The following DCDC1 variants were observed in gnomAD, a reference collection of about 807,000 sequenced individuals.
DCDC1 encodes doublecortin domain containing 1, also known as doublecortin domain-containing protein 1.
Under a neutral mutation model 178.3 loss-of-function variants are expected in DCDC1, and 200 were observed. The observed-to-expected ratio is 1.12, with a 90% CI of 1.00 to 1.26. The LOEUF is 1.26. Ranked by LOEUF, DCDC1 falls within the 50% of genes most tolerant of loss-of-function variation. DCDC1 has a pLI of 0.00. For missense variants in DCDC1, 1,983 were observed against 1,749.2 expected (o/e 1.13, Z -2.38); for synonymous variants, 690 against 604.8 (o/e 1.14, Z -2.07).
At chr11:30,920,446 GGAA>G (rs1252622874) in intron 25 of DCDC1, among the ~76,000 whole-genome samples, 17 of 152,162 alleles carry the variant, frequency 1.1e-4, no homozygotes, top group African/African-American at 4.1e-4. Flanking sequence ...TTGAACTTAG[GGAA>G]GAAGTTTAAT....
chr11:31,275,666 G>A (rs745531755), intron 7 of DCDC1, among the ~76,000 whole-genome samples: 2 of 151,988 alleles, frequency 1.3e-5, no homozygotes, highest in South Asian at 4.2e-4. Context: ...CACTACGCCT[G>A]GCTAATTTTG....
chr11:31,014,570 C>T (rs1442312229), intron 20 of DCDC1, among the ~76,000 whole-genome samples: 3 of 152,166 alleles, frequency 2.0e-5, no homozygotes, highest in African/African-American at 7.2e-5. Flanking sequence ...TATTTTAAGT[C>T]ACTAAGTTTG....
chr11:31,064,279 C>T (rs1956127352), intron 20 of DCDC1, among the ~76,000 whole-genome samples, 190 bp downstream of exon 20: 1 of 152,140 alleles, frequency 6.6e-6, no homozygotes, highest in South Asian at 2.1e-4. Context: ...CAATAACATA[C>T]ATCAATCTTC....
chr11:30,996,928 A>C (rs1283683932), intron 20 of DCDC1, among the ~76,000 whole-genome samples: 2 of 152,196 alleles, frequency 1.3e-5, no homozygotes. Context: ...CAAATATTGA[A>C]AACAACTAAG....
intron 9 of DCDC1, among the ~76,000 whole-genome samples, chr11:31,191,849 A>G (rs1023846592): frequency 6.6e-6 from 1 of 152,002 alleles, no homozygotes; most frequent in Non-Finnish European, 1.5e-5. Flanking sequence ...TCCTTTATCT[A>G]TCATGCCTCT....
intron 21 of DCDC1, among the ~76,000 whole-genome samples, chr11:30,947,201 G>A (rs1336621724): frequency 6.6e-6 from 1 of 152,094 alleles, no homozygotes; most frequent in African/African-American, 2.4e-5. Context: ...AAGATACAAA[G>A]AGATGAAAAA....
intron 21 of DCDC1, among the ~76,000 whole-genome samples, chr11:30,933,111 T>A (rs1422978323): frequency 6.7e-6 from 1 of 150,372 alleles, no homozygotes; most frequent in East Asian, 2.0e-4. Flanking sequence ...TTGTTTCTCT[T>A]CAGTTTGTCA....
chr11:31,218,368 T>C (rs1445518377), intron 9 of DCDC1, among the ~76,000 whole-genome samples: 2 of 152,136 alleles, frequency 1.3e-5, no homozygotes, highest in East Asian at 3.8e-4. Flanking sequence ...AGGGAAAAAA[T>C]TAAAGCAATC....
chr11:30,925,161 T>C, intron 23 of DCDC1, 148 bp downstream of exon 23: 1 of 678,450 alleles, frequency 1.5e-6, no homozygotes, highest in Non-Finnish European at 2.5e-6. Flanking sequence ...CTGTTAGTAT[T>C]ACTTTCTGAT....
chr11:31,338,689 A>G lies in DCDC1; in HGVS notation c.-124-3125T>C, dbSNP rs1380086791. Among the ~76,000 whole-genome samples, 3 of 152,152 alleles carry G rather than the reference A, an allele frequency of 2.0e-5. No homozygotes were observed. In the East Asian group the frequency reaches 5.8e-4, roughly 29 times the overall value. ...GGGAACTGTCACCAAAGAAGGGGGTATGGGGCATAATTTTCAGCCTTCTTT... is the reference window on the plus strand; with the variant it reads ...GGGAACTGTCACCAAAGAAGGGGGTGTGGGGCATAATTTTCAGCCTTCTTT... On this transcript the variant is annotated intron_variant, in intron 1 of 38. Transcript: ENST00000684477.
chr11:30,996,102 G>A (rs917470649), intron 20 of DCDC1, among the ~76,000 whole-genome samples: 2 of 152,118 alleles, frequency 1.3e-5, no homozygotes, highest in Non-Finnish European at 2.9e-5. Flanking sequence ...AAGGGCAAAT[G>A]ATCTGAACAG....
intron 20 of DCDC1, among the ~76,000 whole-genome samples, chr11:31,060,781 C>A (rs1398559646): frequency 6.6e-6 from 1 of 151,934 alleles, no homozygotes; most frequent in Non-Finnish European, 1.5e-5. Context: ...CTTCAAATCA[C>A]CCGCCCATTT....
intron 20 of DCDC1, among the ~76,000 whole-genome samples, chr11:30,992,148 C>T (rs972843440): frequency 6.6e-6 from 1 of 152,144 alleles, no homozygotes; most frequent in South Asian, 2.1e-4. Context: ...CCCATAAGGT[C>T]TCATTTGAGT....
At chr11:30,931,203 G>A (rs186162177) in intron 22 of DCDC1, among the ~76,000 whole-genome samples, 44 of 151,972 alleles carry the variant, frequency 2.9e-4, no homozygotes, top group African/African-American at 9.4e-4. Context: ...CTCCAATGTT[G>A]GAGAAAATAT....
intron 10 of DCDC1, among the ~76,000 whole-genome samples, chr11:31,130,444 C>A (rs914440058): frequency 6.6e-6 from 1 of 152,116 alleles, no homozygotes; most frequent in African/African-American, 2.4e-5. Context: ...TCCGCCTGCC[C>A]ACCCCACCCC....
Position 31,092,499 on chromosome 11 carries a change from G to A in DCDC1, c.2119-988C>T, listed in dbSNP as rs75899601. Among the ~76,000 whole-genome samples, 11 of 152,280 alleles carry A rather than the reference G, an allele frequency of 7.2e-5. No individual in the cohort carries two copies. The East Asian group carries it at 2.1e-3, about 29-fold the overall frequency. On this transcript the variant is annotated intron_variant, in intron 16 of 38. Coordinates refer to ENST00000684477, the MANE Select transcript of DCDC1 (RefSeq NM_001387274.1). ...CTCATTTCATCTTCACAGCAACTGT[G>A]CAAAGCAGATAAGACTAACATCATT...
At chr11:31,210,292 T>C (rs573338683) in intron 9 of DCDC1, among the ~76,000 whole-genome samples, 220 of 152,330 alleles carry the variant, frequency 1.4e-3, no homozygotes, top group African/African-American at 4.8e-3. Flanking sequence ...TGACTATCAA[T>C]TGTTCCCAGT....
At chr11:31,221,587 C>G (rs939220054) in intron 9 of DCDC1, among the ~76,000 whole-genome samples, 1 of 152,126 alleles carries the variant, frequency 6.6e-6, no homozygotes, top group African/African-American at 2.4e-5. Flanking sequence ...TATCTGACAG[C>G]CTTCCTTCAT....
rs111565378 is a variant in DCDC1, at chr11:31,366,603, G to C, written c.-125+3094C>G. ...GAAGAAAAGAATTAGGGTGTTATAA[G>C]TAAGGAGAAGCATTTGAACACAATT... On this transcript the variant is annotated intron_variant, in intron 1 of 38. Coordinates refer to ENST00000684477, the MANE Select transcript of DCDC1 (RefSeq NM_001387274.1). Among the ~76,000 whole-genome samples, 336 of 152,304 alleles carry C rather than the reference G, an allele frequency of 2.2e-3. 3 individuals carry two copies. Among genetic ancestry groups the C allele is most frequent in the African/African-American group, 7.6e-3 (317 of 41,564 alleles).
Sources: gnomAD v4.1 joint callset for allele counts (sites outside exome capture counted in the v4.1 genomes callset) on GRCh38, gnomAD v4.1.1 for gene constraint, MANE v1.5 for transcripts, NCBI Gene and HGNC (gene_info 2026-07-23, HGNC 2026-07-21) for gene names.